Variants in CHD9 observed in about 807,000 individuals in gnomAD.
The protein encoded by CHD9 is ATP-dependent chromatin remodeler CHD9.
CHD9 carries 77 observed loss-of-function variants against 316.1 expected under a neutral mutation model. The ratio of observed to expected loss-of-function variants is 0.24; its 90% CI spans 0.20 to 0.29. The LOEUF (loss-of-function observed/expected upper bound fraction) is 0.29, where lower values mean the gene tolerates loss of function less well. Ranked by LOEUF, CHD9 falls within the 10% of genes least tolerant of loss-of-function variation. CHD9 has a pLI of 1.00. For synonymous variants in CHD9, 1,129 were observed against 1,158.3 expected (o/e 0.97, Z 0.51); for missense variants, 2,763 against 3,438.1 (o/e 0.80, Z 4.91).
chr16:53,253,165 A>G (rs1333628134), intron 17 of CHD9, among the ~76,000 whole-genome samples: 1 of 152,044 alleles, frequency 6.6e-6, no homozygotes, highest in Admixed American at 6.6e-5. Flanking sequence ...CCATCAATCA[A>G]TGAGTGGATA....
chr16:53,061,716 C>G (rs899365015), intron 1 of CHD9, among the ~76,000 whole-genome samples: 1 of 152,140 alleles, frequency 6.6e-6, no homozygotes, highest in Non-Finnish European at 1.5e-5. Flanking sequence ...GGTTGTCTTG[C>G]TAACTGTCTG....
At position 53,055,034 on chromosome 16, in the gene CHD9, A is replaced by T. The variant is rs1365794139; in HGVS notation, c.-208A>T. 1 of 152,300 alleles carries T rather than the reference A, an allele frequency of 6.6e-6. No homozygotes were observed. Among genetic ancestry groups the T allele is most frequent in the Non-Finnish European group, 1.5e-5 (1 of 68,092 alleles). 9.4% of individuals were successfully genotyped at this position (152,300 alleles called of 1,614,324 possible). A position where few individuals can be genotyped will look rare whatever the true frequency, so the allele number is the denominator to read the frequency against. The stretch of plus-strand genomic sequence containing the variant: ...CAGCGACAGCGACAGCTCGAACCTG[A>T]GTCCCAGGATTCCGGGGACTGGAGG... On this transcript the variant is annotated 5_prime_UTR_variant, in exon 1 of 39. Transcript: ENST00000447540.
chr16:53,252,640 A>G (rs142145152), intron 17 of CHD9, among the ~76,000 whole-genome samples: 1,987 of 152,142 alleles, frequency 0.013, 73 homozygotes, highest in East Asian at 0.12. Flanking sequence ...AAATCTTCAC[A>G]ATCTGTACTT....
At chr16:53,118,078 C>T (rs1198520728) in intron 1 of CHD9, among the ~76,000 whole-genome samples, 2 of 151,986 alleles carry the variant, frequency 1.3e-5, no homozygotes, top group African/African-American at 2.4e-5. Flanking sequence ...CCACCCGCCT[C>T]GGCCTCCCAA....
At chr16:53,193,877 G>A (rs777601102) in intron 2 of CHD9, among the ~76,000 whole-genome samples, 1 of 152,138 alleles carries the variant, frequency 6.6e-6, no homozygotes, top group Non-Finnish European at 1.5e-5. Context: ...GATACAAATT[G>A]AATGTGACCT....
chr16:53,309,314 C>T (rs913822300), intron 34 of CHD9, among the ~76,000 whole-genome samples: 4 of 152,100 alleles, frequency 2.6e-5, no homozygotes, highest in African/African-American at 9.7e-5. Context: ...CTTAAATAGC[C>T]CTTTTTATTA....
intron 3 of CHD9, among the ~76,000 whole-genome samples, chr16:53,216,772 C>T (rs972364203): frequency 2.0e-5 from 3 of 152,128 alleles, no homozygotes; most frequent in African/African-American, 4.8e-5. Context: ...TGGTAGAGCA[C>T]CAGAACTCTT....
chr16:53,146,415 G>A (rs60030943), intron 1 of CHD9, among the ~76,000 whole-genome samples: 1,072 of 63,960 alleles, frequency 0.017, 33 homozygotes, highest in Middle Eastern at 0.048. Flanking sequence ...GTGTGTGTGT[G>A]TATGTATATA....
chr16:53,247,234 G>A (rs1465569361), intron 15 of CHD9, 59 bp from the exon 16 acceptor site: 3 of 1,204,786 alleles, frequency 2.5e-6, no homozygotes, highest in Admixed American at 2.1e-5. Context: ...TAAAAGGAAA[G>A]CAATTGGGAA....
At chr16:53,123,154 C>T (rs928888975) in intron 1 of CHD9, among the ~76,000 whole-genome samples, 7 of 149,138 alleles carry the variant, frequency 4.7e-5, no homozygotes, top group Admixed American at 1.4e-4. Context: ...TGAGCCACCA[C>T]GCCCGGCCTG....
At chr16:53,313,958 A>G (rs1259152942) in intron 34 of CHD9, among the ~76,000 whole-genome samples, 1 of 152,052 alleles carries the variant, frequency 6.6e-6, no homozygotes, top group African/African-American at 2.4e-5. Flanking sequence ...GTCTCCAAAA[A>G]AAAAAAACAA....
At chr16:53,130,065 C>T (rs1311230419) in intron 1 of CHD9, among the ~76,000 whole-genome samples, 1 of 152,178 alleles carries the variant, frequency 6.6e-6, no homozygotes, top group Non-Finnish European at 1.5e-5. Context: ...TTTTTCTCTC[C>T]CTTCGTAACT....
chr16:53,113,869 T>C (rs190646848), intron 1 of CHD9, among the ~76,000 whole-genome samples: 221 of 152,110 alleles, frequency 1.5e-3, no homozygotes, highest in African/African-American at 5.2e-3. Flanking sequence ...CACGCCTGGC[T>C]ATGTATGTAT....
chr16:53,104,582 G>T (rs545571814), intron 1 of CHD9, among the ~76,000 whole-genome samples: 3 of 152,128 alleles, frequency 2.0e-5, no homozygotes, highest in Non-Finnish European at 4.4e-5. Context: ...AGGCCAAGGC[G>T]GGCAGATCAC....
intron 33 of CHD9, 75 bp downstream of exon 33, chr16:53,308,028 C>T: frequency 7.9e-7 from 1 of 1,269,220 alleles, no homozygotes; most frequent in Non-Finnish European, 1.1e-6. Context: ...AAATGGCTGC[C>T]TGCTCTTACT....
intron 19 of CHD9, among the ~76,000 whole-genome samples, chr16:53,261,363 T>TTTC (rs1305977478): frequency 7.1e-6 from 1 of 141,570 alleles, no homozygotes; most frequent in Non-Finnish European, 1.5e-5. Context: ...TTTAGACTTT[T>TTTC]TTTTTTTTTT....
Position 53,327,136 on chromosome 16 carries a change from C to T in CHD9, c.*2241C>T, listed in dbSNP as rs1160580771. On this transcript the variant is annotated 3_prime_UTR_variant, in exon 39 of 39. Transcript: ENST00000447540. ...CAGCTATCAGCTAAGAAAACACATG[C>T]AAATATGGTTGTGTAAAGTTAAGGG... 1 of 151,812 alleles carries T rather than the reference C, an allele frequency of 6.6e-6. No individual in the cohort carries two copies. The highest frequency in any genetic ancestry group is 2.4e-5 in the African/African-American group (1 of 41,208). The allele number at this position is 151,812 out of a possible 1,614,324, so 9.4% of individuals were successfully genotyped here. A position where few individuals can be genotyped will look rare whatever the true frequency, so the allele number is the denominator to read the frequency against.
chr16:53,060,261 G>A (rs2032703147), intron 1 of CHD9, among the ~76,000 whole-genome samples: 1 of 152,124 alleles, frequency 6.6e-6, no homozygotes, highest in Non-Finnish European at 1.5e-5. Context: ...GCTGGATGTG[G>A]CCTGTGGGCT....
chr16:53,245,197 C>A lies in CHD9; in HGVS notation c.3055-139C>A, dbSNP rs148616690. 1 of 441,204 alleles carries A rather than the reference C, an allele frequency of 2.3e-6. No homozygotes were observed. Among genetic ancestry groups the A allele is most frequent in the East Asian group, 4.2e-5 (1 of 23,984 alleles). The allele number at this position is 441,204 out of a possible 1,614,324, so 27.3% of individuals were successfully genotyped here. A position where few individuals can be genotyped will look rare whatever the true frequency, so the allele number is the denominator to read the frequency against. On this transcript the variant is annotated intron_variant, in intron 13 of 38. Coordinates refer to ENST00000447540, the MANE Select transcript of CHD9 (RefSeq NM_001308319.2). This position sits in a 1 kb window ranked among gnomAD's most constrained non-coding sequence, Gnocchi z 4.1. ...ACAAACAAACAAATATATATATATA[C>A]ACACACACACACATAACATATATAT...
Sources: allele counts gnomAD v4.1 joint callset (sites outside exome capture counted in the v4.1 genomes callset), GRCh38; gene constraint gnomAD v4.1.1; non-coding constraint Gnocchi (gnomAD v3.1); transcripts MANE v1.5; gene names NCBI Gene and HGNC (gene_info 2026-07-23, HGNC 2026-07-21).